Variants in NCK2 observed in about 807,000 individuals in gnomAD.
NCK2 encodes the protein cytoplasmic protein NCK2.
In NCK2, 16 loss-of-function variants were observed where a neutral mutation model predicts 33.9. The ratio of observed to expected loss-of-function variants is 0.47; its 90% CI spans 0.32 to 0.72. NCK2 has a LOEUF of 0.72. Among genes scored for constraint, NCK2 ranks in the 30% least tolerant of loss-of-function variants. NCK2 has a pLI of 0.03. For missense variants in NCK2, 418 were observed against 537.3 expected (o/e 0.78, Z 2.19); for synonymous variants, 273 against 239.9 (o/e 1.14, Z -1.27).
chr2:105,746,596 C>G (rs1221809479), intron 1 of NCK2, among the ~76,000 whole-genome samples: 1 of 152,138 alleles, frequency 6.6e-6, no homozygotes, highest in Non-Finnish European at 1.5e-5. Flanking sequence ...TCAAGCCTTG[C>G]GAGTTTTACG....
rs139655071 is a variant in NCK2, at chr2:105,873,699, A to G, written c.227-7629A>G. 2.9e-3 allele frequency among the ~76,000 whole-genome samples: 446 copies of G among 152,276 alleles called. 1 individual carries two copies. The highest frequency in any genetic ancestry group is 9.7e-3 in the African/African-American group (401 of 41,554). ...TCTTAATTGAAGAGACTGAAAGTCA[A>G]CTCAAAAGTAACTGAAGGGGAAAAA... On this transcript the variant is annotated intron_variant, in intron 3 of 4. Transcript: ENST00000233154.
intron 1 of NCK2, among the ~76,000 whole-genome samples, chr2:105,800,349 T>C (rs1674781779): frequency 6.6e-6 from 1 of 152,198 alleles, no homozygotes; most frequent in South Asian, 2.1e-4. Context: ...TTGATTGAGA[T>C]AGTGCATAAA....
upstream of NCK2, among the ~76,000 whole-genome samples, chr2:105,744,614 C>T (rs1176565773): frequency 2.6e-5 from 4 of 152,032 alleles, no homozygotes; most frequent in South Asian, 6.2e-4. Context: ...CCCTTTCCTG[C>T]CCCCGGCGCC....
intron 1 of NCK2, among the ~76,000 whole-genome samples, chr2:105,769,435 G>A (rs566049812): frequency 1.1e-4 from 17 of 152,308 alleles, no homozygotes; most frequent in African/African-American, 4.1e-4. Flanking sequence ...TTCTCAGGAA[G>A]CAAATGTAGG....
At chr2:105,781,635 G>A (rs1456245068) in intron 1 of NCK2, among the ~76,000 whole-genome samples, 2 of 152,218 alleles carry the variant, frequency 1.3e-5, no homozygotes, top group Non-Finnish European at 2.9e-5. Context: ...TCTGAAAAAT[G>A]GAGAAAATAG....
chr2:105,837,975 G>A (rs939064152), intron 2 of NCK2, among the ~76,000 whole-genome samples: 5 of 152,134 alleles, frequency 3.3e-5, no homozygotes, highest in Non-Finnish European at 2.9e-5. Flanking sequence ...AGTCCTGTAC[G>A]ATTATATGTG....
intron 3 of NCK2, among the ~76,000 whole-genome samples, chr2:105,861,959 C>T (rs1292878828): frequency 6.9e-6 from 1 of 144,386 alleles, no homozygotes; most frequent in Non-Finnish European, 1.5e-5. Flanking sequence ...CCTTCCCTTT[C>T]TTCCACCTGC....
At chr2:105,882,362 C>T (rs1259155047) in intron 4 of NCK2, among the ~76,000 whole-genome samples, 1 of 152,172 alleles carries the variant, frequency 6.6e-6, no homozygotes, top group Non-Finnish European at 1.5e-5. Flanking sequence ...CTCCTGGTTG[C>T]CCATTCTGTG....
chr2:105,880,945 T>A (rs1337147661), intron 3 of NCK2, among the ~76,000 whole-genome samples: 1 of 24,028 alleles, frequency 4.2e-5, no homozygotes, highest in East Asian at 6.1e-4. Context: ...AATTTTTTTT[T>A]TTTTTTTTTT....
chr2:105,747,948 A>C (rs1328852805), intron 1 of NCK2, among the ~76,000 whole-genome samples: 2 of 152,192 alleles, frequency 1.3e-5, no homozygotes, highest in Non-Finnish European at 2.9e-5. Context: ...CAATTAAAAA[A>C]TTAGACTCTT....
chr2:105,752,812 C>T (rs1242295567), intron 1 of NCK2, among the ~76,000 whole-genome samples: 1 of 152,098 alleles, frequency 6.6e-6, no homozygotes, highest in African/African-American at 2.4e-5. Flanking sequence ...TTTCTTTATC[C>T]AGTCATCTGT....
intron 1 of NCK2, among the ~76,000 whole-genome samples, chr2:105,746,882 G>T: frequency 6.6e-6 from 1 of 152,206 alleles, no homozygotes; most frequent in African/African-American, 2.4e-5. Context: ...GGCATAGGAA[G>T]CTGTGGAGGT....
chr2:105,803,372 TA>T (rs1372224055), intron 1 of NCK2, among the ~76,000 whole-genome samples: 1 of 152,242 alleles, frequency 6.6e-6, no homozygotes, highest in Non-Finnish European at 1.5e-5. Context: ...CTTTGAACTC[TA>T]ATTAGGCTGA....
rs1573263088 is a variant in NCK2 at position 105,893,299 on chromosome 2, T to C, written c.*123T>C. 3 of 998,160 alleles carry C rather than the reference T, an allele frequency of 3.0e-6. No homozygotes were observed. In the East Asian group the frequency reaches 7.9e-5, roughly 26 times the overall value. 61.8% of individuals were successfully genotyped at this position (998,160 alleles called of 1,614,324 possible). On this transcript the variant is annotated 3_prime_UTR_variant, in exon 5 of 5. Coordinates refer to ENST00000233154, the MANE Select transcript of NCK2 (RefSeq NM_003581.5). ...CTTCTCTGCGAGTCTCTCTTTATGTTCAGGTCGCTTGGTCGGTTCGTCTCC... is the reference window on the plus strand; with the variant it reads ...CTTCTCTGCGAGTCTCTCTTTATGTCCAGGTCGCTTGGTCGGTTCGTCTCC...
chr2:105,876,096 A>G (rs1359766325), intron 3 of NCK2, among the ~76,000 whole-genome samples: 1 of 152,214 alleles, frequency 6.6e-6, no homozygotes, highest in Non-Finnish European at 1.5e-5. Context: ...ACAGCATGCC[A>G]GCCATTGGAA....
chr2:105,750,216 G>A (rs966397752), intron 1 of NCK2, among the ~76,000 whole-genome samples: 6 of 152,100 alleles, frequency 3.9e-5, no homozygotes, highest in South Asian at 2.1e-4. Context: ...CCTCACTCAC[G>A]TAGCCTTCCT....
At chr2:105,758,107 A>G (rs149920128) in intron 1 of NCK2, among the ~76,000 whole-genome samples, 1 of 152,324 alleles carries the variant, frequency 6.6e-6, no homozygotes, top group Admixed American at 6.5e-5. Flanking sequence ...TGAGAGCTTT[A>G]TCTCTTAAAA....
chr2:105,807,747 T>TTCCCCCCCTCCCTCCCTTCTC (rs1675112730), intron 1 of NCK2, among the ~76,000 whole-genome samples: 1 of 24,398 alleles, frequency 4.1e-5, no homozygotes, highest in Non-Finnish European at 7.8e-5. Flanking sequence ...CCTTCCTTCC[T>TTCCCCCCCTCCCTCCCTTCTC]TCCCTCCCTC....
At chr2:105,830,693 G>GTGTGTA (rs1553458068) in intron 2 of NCK2, among the ~76,000 whole-genome samples, 8 of 148,042 alleles carry the variant, frequency 5.4e-5, no homozygotes, top group East Asian at 2.0e-4. Context: ...GTGTGTGTGT[G>GTGTGTA]TGTGTGTGTG....
Sources: gnomAD v4.1 joint callset for allele counts (sites outside exome capture counted in the v4.1 genomes callset) on GRCh38, gnomAD v4.1.1 for gene constraint, MANE v1.5 for transcripts, NCBI Gene and HGNC (gene_info 2026-07-23, HGNC 2026-07-21) for gene names.